The following PTPRD variants were observed in gnomAD, a reference collection of about 807,000 sequenced individuals.
The protein encoded by PTPRD is protein tyrosine phosphatase receptor type D.
In PTPRD, 34 loss-of-function variants were observed where a neutral mutation model predicts 214.5. The ratio of observed to expected loss-of-function variants is 0.16; its 90% CI spans 0.12 to 0.21. PTPRD has a LOEUF of 0.21. Ranked by LOEUF, PTPRD falls within the 10% of genes least tolerant of loss-of-function variation. PTPRD has a pLI of 1.00. For synonymous variants in PTPRD, 1,128 were observed against 845.7 expected (o/e 1.33, Z -5.79); for missense variants, 2,545 against 2,398.7 (o/e 1.06, Z -1.27).
At chr9:9,303,037 T>C (rs916429381) in intron 9 of PTPRD, among the ~76,000 whole-genome samples, 1 of 151,960 alleles carries the variant, frequency 6.6e-6, no homozygotes. Context: ...ATTGGCTTCA[T>C]AAGAGAAGAC....
intron 7 of PTPRD, among the ~76,000 whole-genome samples, chr9:9,628,937 G>A (rs1391206848): frequency 2.6e-5 from 4 of 151,850 alleles, no homozygotes; most frequent in Non-Finnish European, 5.9e-5. Flanking sequence ...ACTTTGGGAG[G>A]CCGAGGCGGG....
intron 4 of PTPRD, among the ~76,000 whole-genome samples, chr9:10,002,247 T>A (rs890462748): frequency 1.1e-4 from 16 of 148,372 alleles, no homozygotes; most frequent in Admixed American, 3.4e-4. Context: ...TAAAGAAACA[T>A]AGGAACAAAA....
intron 9 of PTPRD, among the ~76,000 whole-genome samples, chr9:9,264,259 G>A (rs1937928275): frequency 6.6e-6 from 1 of 151,516 alleles, no homozygotes; most frequent in African/African-American, 2.4e-5. Context: ...ATTGTTTTAA[G>A]GAAGCTTGCT....
At chr9:9,257,694 G>A (rs1247027691) in intron 9 of PTPRD, among the ~76,000 whole-genome samples, 1 of 151,904 alleles carries the variant, frequency 6.6e-6, no homozygotes, top group African/African-American at 2.4e-5. Context: ...AGCTGTGGGA[G>A]GATTGGTTAA....
intron 2 of PTPRD, among the ~76,000 whole-genome samples, chr9:10,482,198 C>T (rs536473906): frequency 5.9e-5 from 9 of 151,858 alleles, no homozygotes; most frequent in South Asian, 2.1e-4. Context: ...AGTGAAACCC[C>T]ATCTCTACTA....
chr9:10,490,323 A>G (rs1176242671), intron 2 of PTPRD, among the ~76,000 whole-genome samples: 1 of 152,174 alleles, frequency 6.6e-6, no homozygotes, highest in Non-Finnish European at 1.5e-5. Context: ...AATATCTGAC[A>G]ACTAATATAT....
At chr9:10,501,080 G>C (rs1325712310) in intron 2 of PTPRD, among the ~76,000 whole-genome samples, 6 of 151,866 alleles carry the variant, frequency 4.0e-5, no homozygotes, top group Non-Finnish European at 8.8e-5. Context: ...GTATCTTATG[G>C]TAGCTCTATT....
chr9:8,461,761 G>A (rs182085471), intron 32 of PTPRD, among the ~76,000 whole-genome samples: 2 of 151,880 alleles, frequency 1.3e-5, no homozygotes, highest in Admixed American at 1.3e-4. Context: ...AACTGCTCAT[G>A]CCCTGCTGAG....
chr9:8,492,773 A>T, intron 27 of PTPRD, 89 bp downstream of exon 27: 1 of 848,458 alleles, frequency 1.2e-6, no homozygotes, highest in Non-Finnish European at 1.8e-6. Flanking sequence ...CTCTGATTTT[A>T]CTATAATAAA....
chr9:10,488,851 G>A (rs1160616319), intron 2 of PTPRD, among the ~76,000 whole-genome samples: 6 of 152,102 alleles, frequency 3.9e-5, no homozygotes, highest in Admixed American at 2.0e-4. Flanking sequence ...ATCTTTCAGG[G>A]CAGTGGGCTC....
chr9:9,429,525 G>C (rs1262190521), intron 8 of PTPRD, among the ~76,000 whole-genome samples: 1 of 152,228 alleles, frequency 6.6e-6, no homozygotes, highest in African/African-American at 2.4e-5. Flanking sequence ...AGTAGAAAAA[G>C]AGGGAATCCT....
chr9:10,257,238 G>A (rs1230334763), intron 3 of PTPRD, among the ~76,000 whole-genome samples: 1 of 152,186 alleles, frequency 6.6e-6, no homozygotes, highest in East Asian at 1.9e-4. Flanking sequence ...AAGGAGAAAA[G>A]GTTGCCTATA....
intron 3 of PTPRD, among the ~76,000 whole-genome samples, chr9:10,084,793 T>C (rs887534846): frequency 1.3e-5 from 2 of 151,984 alleles, no homozygotes; most frequent in Admixed American, 6.6e-5. Context: ...AATTCAATAG[T>C]AGACCAAATT....
At chr9:8,669,361 C>A (rs528397540) in intron 12 of PTPRD, among the ~76,000 whole-genome samples, 1 of 152,098 alleles carries the variant, frequency 6.6e-6, no homozygotes, top group East Asian at 1.9e-4. Flanking sequence ...GAGAGACTGG[C>A]GCTCACTTCT....
intron 9 of PTPRD, among the ~76,000 whole-genome samples, chr9:9,357,705 T>G (rs1415840544): frequency 2.2e-5 from 3 of 138,538 alleles, no homozygotes; most frequent in Middle Eastern, 3.4e-3. Context: ...TGCTCAATAG[T>G]TTTTAAAATA....
intron 21 of PTPRD, among the ~76,000 whole-genome samples, chr9:8,510,095 G>A (rs1298287055): frequency 6.6e-6 from 1 of 151,888 alleles, no homozygotes. Context: ...ACCAGCCCAG[G>A]CAACATAGCA....
chr9:9,978,920 A>G (rs2095450129), intron 4 of PTPRD, among the ~76,000 whole-genome samples: 1 of 152,066 alleles, frequency 6.6e-6, no homozygotes, highest in Non-Finnish European at 1.5e-5. Context: ...GAAAACAACA[A>G]CAACAAAAGA....
At chr9:9,809,061 C>G (rs2046328185) in intron 5 of PTPRD, among the ~76,000 whole-genome samples, 1 of 151,690 alleles carries the variant, frequency 6.6e-6, no homozygotes, top group South Asian at 2.1e-4. Context: ...CCTAGGATTA[C>G]AGGCAGAAGC....
chr9:10,492,786 C>A (rs1468487055), intron 2 of PTPRD, among the ~76,000 whole-genome samples: 2 of 152,098 alleles, frequency 1.3e-5, no homozygotes, highest in Admixed American at 6.6e-5. Context: ...AGTCTATGCC[C>A]ATGTCTATGT....
Sources: gnomAD v4.1 joint callset for allele counts (sites outside exome capture counted in the v4.1 genomes callset) on GRCh38, gnomAD v4.1.1 for gene constraint, MANE v1.5 for transcripts, NCBI Gene and HGNC (gene_info 2026-07-23, HGNC 2026-07-21) for gene names.